Variants in DBP observed in about 807,000 individuals in gnomAD.
The protein encoded by DBP is D site-binding protein.
In DBP, 12 loss-of-function variants were observed where a neutral mutation model predicts 21.4. The observed-to-expected ratio is 0.56, with a 90% CI of 0.36 to 0.91. The LOEUF is 0.91. Ranked by LOEUF, DBP falls within the 40% of genes least tolerant of loss-of-function variation. The pLI, the probability that DBP is intolerant of heterozygous loss-of-function variation, is 0.01. For synonymous variants in DBP, 213 were observed against 224.9 expected (o/e 0.95, Z 0.47); for missense variants, 423 against 473.4 (o/e 0.89, Z 0.99).
chr19:48,630,588 C>T lies in DBP; in HGVS notation c.*249G>A, dbSNP rs113160409. 2.5e-5 allele frequency: 38 copies of T among 1,533,920 alleles called. 2 individuals are homozygous for T. In the African/African-American group the frequency reaches 2.9e-4, roughly 12 times the overall value. ...GGGGTTCTCAAGATTTATTCAGGAT[C>T]GTGTTAACGGAGGCGGTGGGAGGAT... On this transcript the variant is annotated 3_prime_UTR_variant, in exon 4 of 4. Transcript: ENST00000222122. This position sits in a 1 kb window ranked among gnomAD's most constrained non-coding sequence, Gnocchi z 4.9.
intron 2 of DBP, 69 bp downstream of exon 2, chr19:48,635,511 G>C: frequency 1.4e-6 from 2 of 1,476,870 alleles, no homozygotes; most frequent in Non-Finnish European, 1.8e-6. Context: ...AGCCCCCAGC[G>C]TCGCACAGCC....
In DBP at chr19:48,630,499, G is replaced by T. The variant is rs1000393717; in HGVS notation, c.*338C>A. ...TGCCCTCTATGGACGACAGCCCGGA[G>T]CTGCCCACGGGCTGCAGCCAGTATG... On this transcript the variant is annotated 3_prime_UTR_variant, in exon 4 of 4. Coordinates refer to ENST00000222122, the MANE Select transcript of DBP (RefSeq NM_001352.5). This position sits in a 1 kb window ranked among gnomAD's most constrained non-coding sequence, Gnocchi z 4.9. The T allele has an allele frequency of 6.5e-7, 1 of 1,527,670 alleles. No homozygotes were observed. Among genetic ancestry groups the T allele is most frequent in the Non-Finnish European group, 8.7e-7 (1 of 1,143,400 alleles). The allele number at this position is 1,527,670 out of a possible 1,614,324, so 94.6% of individuals were successfully genotyped here.
At chr19:48,635,495 G>A (rs1601181450) in intron 2 of DBP, 85 bp downstream of exon 2, 3 of 1,480,824 alleles carry the variant, frequency 2.0e-6, no homozygotes, top group Middle Eastern at 1.8e-4. Context: ...CAGGTCCCAC[G>A]GTCCCAGCCC....
At position 48,630,541 on chromosome 19, in the gene DBP, T is replaced by C. The variant is rs2147707159; in HGVS notation, c.*296A>G. 1 of 1,535,240 alleles carries C rather than the reference T, an allele frequency of 6.5e-7. No individual in the cohort carries two copies. Among genetic ancestry groups the C allele is most frequent in the African/African-American group, 1.4e-5 (1 of 73,058 alleles). ...GCCAGTATGCCAGGGAGCTGCCCTC[T>C]TCTTCCACAACAGCTGGCTCTGGGG... On this transcript the variant is annotated 3_prime_UTR_variant, in exon 4 of 4. Coordinates refer to ENST00000222122, the MANE Select transcript of DBP (RefSeq NM_001352.5). The surrounding 1 kb of genome is among the most constrained non-coding windows in gnomAD (Gnocchi z 4.9).
chr19:48,637,107 T>G lies in DBP; in HGVS notation c.-113A>C. On this transcript the variant is annotated 5_prime_UTR_variant, in exon 1 of 4. Transcript: ENST00000222122. ...GAGTGTCTGCCCAGGGGCGGGCGAG[T>G]GTAGCCTGCAACCCTCCAGTATCCA... The G allele has an allele frequency of 9.9e-7, 1 of 1,005,740 alleles. No homozygotes were observed. Among genetic ancestry groups the G allele is most frequent in the South Asian group, 1.8e-5 (1 of 55,874 alleles). The allele number at this position is 1,005,740 out of a possible 1,614,324, so 62.3% of individuals were successfully genotyped here.
In DBP at chr19:48,637,358, C is replaced by A; in HGVS notation, c.-364G>T. ...AGCTCTCGCAACGGAAGGCGCTTTG[C>A]AATCTGCACCGAGAGGTGTGCGCGG... is the stretch of plus-strand genomic sequence containing the variant. On this transcript the variant is annotated 5_prime_UTR_variant, in exon 1 of 4. Coordinates refer to ENST00000222122, the MANE Select transcript of DBP (RefSeq NM_001352.5). 4.3e-6 allele frequency: 1 copy of A among 233,088 alleles called. No homozygotes were observed. The highest frequency in any genetic ancestry group is 8.2e-5 in the East Asian group (1 of 12,152). The allele number at this position is 233,088 out of a possible 1,614,324, so 14.4% of individuals were successfully genotyped here. A position where few individuals can be genotyped will look rare whatever the true frequency, so the allele number is the denominator to read the frequency against.
In DBP at chr19:48,635,942, G is replaced by A; in HGVS notation, c.188C>T (p.Thr63Ile). The part of the protein sequence containing the change: ...ERKAALPAAT[T>I]PGPGLETAGP... ...CGCAGTCTCCAGGCCTGGCCCAGGG[G>A]TTGTGGCTGCAGGCAGGGCCGCCTT... Residue 63 changes from threonine to isoleucine, a missense_variant, in exon 2 of 4, where the codon ACC becomes ATC. By Grantham distance (89) the Thr-to-Ile change is moderately conservative. Transcript: ENST00000222122. 2 of 1,527,964 alleles carry A rather than the reference G, an allele frequency of 1.3e-6. No homozygotes were observed. Among genetic ancestry groups the A allele is most frequent in the Non-Finnish European group, 1.7e-6 (2 of 1,144,894 alleles). The allele number at this position is 1,527,964 out of a possible 1,614,324, so 94.7% of individuals were successfully genotyped here. A position where few individuals can be genotyped will look rare whatever the true frequency, so the allele number is the denominator to read the frequency against.
chr19:48,634,651 G>C (rs917217190), intron 2 of DBP: 2 of 980,040 alleles, frequency 2.0e-6, no homozygotes, highest in Non-Finnish European at 2.4e-6. Context: ...CCCCCCTCGC[G>C]CTTGAAGGCG....
chr19:48,631,130 C>T (rs1462023618), intron 3 of DBP, 78 bp from the exon 4 acceptor site: 1 of 1,352,186 alleles, frequency 7.4e-7, no homozygotes, highest in Non-Finnish European at 1.0e-6. Context: ...GCCCCAGCAG[C>T]GGGGCCTAAA....
chr19:48,633,826 C>T (rs558611920), intron 2 of DBP, 171 bp from the exon 3 acceptor site: 77 of 630,622 alleles, frequency 1.2e-4, no homozygotes, highest in Non-Finnish European at 1.9e-4. Flanking sequence ...CTTGGCCAGG[C>T]GCAGTGGCTC....
intron 3 of DBP, chr19:48,631,839 C>G (rs1474435973): frequency 1.3e-5 from 2 of 152,088 alleles, no homozygotes; most frequent in Non-Finnish European, 2.9e-5. Context: ...CCAGTTCCTG[C>G]TTGTGAGGGT....
intron 3 of DBP, chr19:48,633,188 C>G: frequency 1.7e-6 from 1 of 603,000 alleles, no homozygotes. Flanking sequence ...CTCAAGAGAT[C>G]CTCCTGCCTC....
In DBP at chr19:48,631,359, T is replaced by A. The variant is rs1271504896; in HGVS notation, c.763-307A>T. The A allele has an allele frequency of 8.2e-5, 30 of 368,096 alleles. No individual in the cohort carries two copies. In the East Asian group the frequency reaches 1.4e-3, roughly 17 times the overall value. The allele number at this position is 368,096 out of a possible 1,614,324, so 22.8% of individuals were successfully genotyped here. On this transcript the variant is annotated intron_variant, in intron 3 of 3. Transcript: ENST00000222122. Reference sequence around the variant, plus strand: ...GCTCTTGCTTGCTAAGGATGCTTGTTCCCTAGCAACAAGGCCTTCATGGTC... The same window carrying A: ...GCTCTTGCTTGCTAAGGATGCTTGTACCCTAGCAACAAGGCCTTCATGGTC...
chr19:48,630,713 C>G lies in DBP; in HGVS notation c.*124G>C. On this transcript the variant is annotated 3_prime_UTR_variant, in exon 4 of 4. Transcript: ENST00000222122. This position sits in a 1 kb window ranked among gnomAD's most constrained non-coding sequence, Gnocchi z 4.9. The stretch of plus-strand genomic sequence containing the variant: ...TTCTTAAAAATATAAATGTATTTAT[C>G]TGCATTATCACGTCCCTGGGGCACC... 7.1e-7 allele frequency: 1 copy of G among 1,406,204 alleles called. No homozygotes were observed. The highest frequency in any genetic ancestry group is 1.4e-5 in the South Asian group (1 of 70,824). The allele number at this position is 1,406,204 out of a possible 1,614,324, so 87.1% of individuals were successfully genotyped here. A position where few individuals can be genotyped will look rare whatever the true frequency, so the allele number is the denominator to read the frequency against.
chr19:48,636,100 A>G lies in DBP; in HGVS notation c.140-110T>C. On this transcript the variant is annotated intron_variant, in intron 1 of 3. Transcript: ENST00000222122. ...GGGCGGAGATCCAGAGAAAGAGGGGACGGGGGGTCGGAGAGGAGAGACGGG... is the reference window on the plus strand; with the variant it reads ...GGGCGGAGATCCAGAGAAAGAGGGGGCGGGGGGTCGGAGAGGAGAGACGGG... 4 of 1,098,422 alleles carry G rather than the reference A, an allele frequency of 3.6e-6. No individual in the cohort carries two copies. In the South Asian group the frequency reaches 5.5e-5, roughly 15 times the overall value. 68.0% of individuals were successfully genotyped at this position (1,098,422 alleles called of 1,614,324 possible). A position where few individuals can be genotyped will look rare whatever the true frequency, so the allele number is the denominator to read the frequency against.
In DBP at chr19:48,637,274, G is replaced by C. The variant is rs2030847108; in HGVS notation, c.-280C>G. 1.6e-5 allele frequency: 6 copies of C among 373,332 alleles called. No homozygotes were observed. The highest frequency in any genetic ancestry group is 6.8e-4 in the Middle Eastern group (1 of 1,460). The allele number at this position is 373,332 out of a possible 1,614,324, so 23.1% of individuals were successfully genotyped here. ...GTCGGCTCTTTGCAACCGAGGGTGA[G>C]AGGGGACTCAAGGCGCTCCTTCTAC... On this transcript the variant is annotated 5_prime_UTR_variant, in exon 1 of 4. Transcript: ENST00000222122.
intron 3 of DBP, chr19:48,633,205 C>T (rs117241334): frequency 3.3e-6 from 2 of 611,056 alleles, no homozygotes; most frequent in African/African-American, 3.7e-5. Flanking sequence ...CCTCAGCCCC[C>T]TAAAATGCTG....
At chr19:48,634,953 C>G in intron 2 of DBP, 1 of 985,736 alleles carries the variant, frequency 1.0e-6, no homozygotes, top group Non-Finnish European at 1.2e-6. Context: ...TGGGCTACCA[C>G]GATTCTGGGA....
chr19:48,635,432 G>T, intron 2 of DBP, 148 bp downstream of exon 2: 1 of 1,474,624 alleles, frequency 6.8e-7, no homozygotes, highest in Non-Finnish European at 9.0e-7. Flanking sequence ...ACCGAATCTG[G>T]CCCCCTCCCA....
Sources: gnomAD v4.1 joint callset for allele counts on GRCh38, gnomAD v4.1.1 for gene constraint, Gnocchi (gnomAD v3.1) non-coding constraint, MANE v1.5 for transcripts, NCBI Gene and HGNC (gene_info 2026-07-23, HGNC 2026-07-21) for gene names.